ATR: variants seen among roughly 807,000 people sequenced by gnomAD.
ATR encodes serine/threonine-protein kinase ATR.
A neutral mutation model predicts 305.3 loss-of-function variants in ATR; 142 were observed. The observed-to-expected ratio is 0.47, with a 90% CI of 0.41 to 0.53. The LOEUF (loss-of-function observed/expected upper bound fraction) is 0.53. Among genes scored for constraint, ATR ranks in the 20% least tolerant of loss-of-function variants. The pLI, the probability that ATR is intolerant of heterozygous loss-of-function variation, is 0.00. For missense variants in ATR, 2,135 were observed against 3,133.1 expected (o/e 0.68, Z 7.60); for synonymous variants, 1,050 against 1,068.1 (o/e 0.98, Z 0.33).
At chr3:142,551,606 G>T (rs539775809) in intron 13 of ATR, among the ~76,000 whole-genome samples, 2 of 152,176 alleles carry the variant, frequency 1.3e-5, no homozygotes, top group Non-Finnish European at 2.9e-5. Context: ...GGTGCTGGGA[G>T]AACTGACTAG....
intron 35 of ATR, among the ~76,000 whole-genome samples, chr3:142,489,433 G>A (rs1379144409): frequency 2.0e-5 from 3 of 152,050 alleles, no homozygotes; most frequent in Non-Finnish European, 2.9e-5. Flanking sequence ...CCTAACTCTC[G>A]AAAGTTCTTA....
At chr3:142,477,303 G>C (rs557799722) in intron 36 of ATR, among the ~76,000 whole-genome samples, 30 of 152,222 alleles carry the variant, frequency 2.0e-4, no homozygotes, top group Middle Eastern at 3.4e-3. Flanking sequence ...TAGCATGAAG[G>C]GCTGTTGAAT....
chr3:142,566,514 T>G (rs1478581938), intron 2 of ATR, among the ~76,000 whole-genome samples: 3 of 151,796 alleles, frequency 2.0e-5, no homozygotes, highest in Admixed American at 2.0e-4. Context: ...TCCCAGCTAC[T>G]CAGGGGGCTG....
chr3:142,450,514 A>C (rs779568839), intron 46 of ATR: 1 of 1,605,060 alleles, frequency 6.2e-7, no homozygotes, highest in Non-Finnish European at 8.5e-7. Context: ...TTGTGAGGCT[A>C]TTTCTCATAT....
At chr3:142,458,142 T>C (rs147755006) in intron 44 of ATR, among the ~76,000 whole-genome samples, 2 of 152,214 alleles carry the variant, frequency 1.3e-5, no homozygotes, top group Non-Finnish European at 2.9e-5. Context: ...AACACTTTCA[T>C]CTTAAAACAA....
At position 142,453,246 on chromosome 3, in the gene ATR, C is replaced by T. The variant is rs1553750561; in HGVS notation, c.7656-13G>A. 1.2e-6 allele frequency: 2 copies of T among 1,609,452 alleles called. No homozygotes were observed. Among genetic ancestry groups the T allele is most frequent in the South Asian group, 1.1e-5 (1 of 90,952 alleles). On this transcript the variant is annotated splice_polypyrimidine_tract_variant and intron_variant, in intron 45 of 46. Transcript: ENST00000350721. ...AGTCTTTAAGACACTAAAATTGAAA[C>T]AAATATTATGGTATGATGTTATCTT...
At chr3:142,469,259 C>T in intron 38 of ATR, 78 bp downstream of exon 38, 1 of 1,194,994 alleles carries the variant, frequency 8.4e-7, no homozygotes. Context: ...CTTGTATCTA[C>T]ATATTAGTAT....
rs184244548 is a variant in ATR, at chr3:142,495,540, C to G, written c.5898+821G>C. ...CAGGTGGATCATGAGGTCAGGAGAT[C>G]GAGACCACCCTGGCTAACACGGTGA... On this transcript the variant is annotated intron_variant, in intron 34 of 46. Transcript: ENST00000350721. Among the ~76,000 whole-genome samples, 6 of 152,044 alleles carry G rather than the reference C, an allele frequency of 3.9e-5. No individual in the cohort carries two copies. The East Asian group carries it at 1.2e-3, about 30-fold the overall frequency.
In ATR at chr3:142,553,362, T is replaced by A. The variant is rs1255711458; in HGVS notation, c.2670A>T (p.Leu890Phe). 1 of 1,613,958 alleles carries A rather than the reference T, an allele frequency of 6.2e-7. No individual in the cohort carries two copies. Among genetic ancestry groups the A allele is most frequent in the Admixed American group, 1.7e-5 (1 of 59,984 alleles). Reference sequence around the variant, plus strand: ...TGGATAACAAACAATGCAATAAGTGTAAGAGTGCAAATGGTACCAAATCTC... The same window carrying A: ...TGGATAACAAACAATGCAATAAGTGAAAGAGTGCAAATGGTACCAAATCTC... ...AKGDLVPFALLHLLHCLLSKS... is the reference protein window; with the variant it reads ...AKGDLVPFALFHLLHCLLSKS... Residue 890 changes from leucine (L) to phenylalanine (F), a missense_variant, in exon 13 of 47, where the codon TTA (leucine) becomes TTT (phenylalanine). By Grantham distance (22) the Leu-to-Phe change is conservative. Coordinates refer to ENST00000350721, the MANE Select transcript of ATR (RefSeq NM_001184.4).
At position 142,469,427 on chromosome 3, in the gene ATR, A is replaced by G. The variant is rs751507834; in HGVS notation, c.6462T>C (p.Asp2154=). 1.2e-6 allele frequency: 2 copies of G among 1,614,012 alleles called. No individual in the cohort carries two copies. Among genetic ancestry groups the G allele is most frequent in the East Asian group, 4.5e-5 (2 of 44,856 alleles). ...TTTCCATCAAGACAACAAAAACTTC[A>G]TCGTGAGAATGACAAATTCGAGAGA... ...QLISRICHSH[D]EVFVVLMEII... The change falls in exon 38 of 47, where the codon GAT becomes GAC. Residue 2154 remains aspartate, a synonymous_variant. Transcript: ENST00000350721.
chr3:142,560,239 C>G (rs753070685), intron 6 of ATR, 24 bp downstream of exon 6: 6 of 1,607,966 alleles, frequency 3.7e-6, no homozygotes, highest in Non-Finnish European at 3.4e-6. Context: ...AACCCAACCC[C>G]AAGAAACAAG....
At chr3:142,488,689 C>G (rs1401603941) in intron 35 of ATR, among the ~76,000 whole-genome samples, 1 of 152,078 alleles carries the variant, frequency 6.6e-6, no homozygotes, top group African/African-American at 2.4e-5. Flanking sequence ...CTACTACTAA[C>G]TTTTTAGAAG....
intron 6 of ATR, 108 bp downstream of exon 6, chr3:142,560,155 G>T: frequency 9.1e-7 from 1 of 1,099,810 alleles, no homozygotes; most frequent in Non-Finnish European, 1.4e-6. Flanking sequence ...CTACTTCAGT[G>T]AAAAGTTTGT....
At chr3:142,451,635 A>T in intron 46 of ATR, 1 of 1,248,758 alleles carries the variant, frequency 8.0e-7, no homozygotes, top group Non-Finnish European at 1.0e-6. Context: ...GCTGGAGTGC[A>T]GTGGTGTCAT....
chr3:142,513,371 T>C, intron 26 of ATR, 130 bp downstream of exon 26: 1 of 1,070,306 alleles, frequency 9.3e-7, no homozygotes, highest in Non-Finnish European at 1.4e-6. Context: ...CAGGCAAAGA[T>C]ATGTAAATGA....
chr3:142,543,217 G>T (rs1408888899), intron 16 of ATR, among the ~76,000 whole-genome samples: 1 of 152,150 alleles, frequency 6.6e-6, no homozygotes, highest in Admixed American at 6.5e-5. Context: ...TGACATAGGG[G>T]ATAATATCCC....
intron 22 of ATR, among the ~76,000 whole-genome samples, chr3:142,523,299 A>G (rs1327710188): frequency 6.6e-6 from 1 of 152,102 alleles, no homozygotes; most frequent in African/African-American, 2.4e-5. Flanking sequence ...GCACGCCTGT[A>G]ATCCCAGCTA....
At chr3:142,476,580 C>T (rs2071458341) in intron 36 of ATR, among the ~76,000 whole-genome samples, 1 of 152,070 alleles carries the variant, frequency 6.6e-6, no homozygotes, top group East Asian at 1.9e-4. Flanking sequence ...AATGCAGGCT[C>T]TTTTTTGGTT....
rs1218002128 is a variant in ATR at position 142,505,209 on chromosome 3, T to C, written c.5126A>G (p.His1709Arg). ...EPSLKEQILE[H>R]ESLGLLRDAT... ...ATCCCTCAGCAAGCCAAGGCTTTCA[T>C]GTTCAAGGATCTGTTCTTTTAGAGA... Residue 1709 changes from histidine to arginine, a missense_variant, in exon 29 of 47, where the codon CAT becomes CGT. Physicochemically the swap from His to Arg is conservative, Grantham distance 29. Coordinates refer to ENST00000350721, the MANE Select transcript of ATR (RefSeq NM_001184.4). 6.2e-7 allele frequency: 1 copy of C among 1,614,080 alleles called. No individual in the cohort carries two copies. The highest frequency in any genetic ancestry group is 8.5e-7 in the Non-Finnish European group (1 of 1,180,028).
Sources: gnomAD v4.1 joint callset for allele counts (sites outside exome capture counted in the v4.1 genomes callset) on GRCh38, gnomAD v4.1.1 for gene constraint, MANE v1.5 for transcripts, NCBI Gene and HGNC (gene_info 2026-07-23, HGNC 2026-07-21) for gene names.